Variants in SLC15A4 observed in about 807,000 individuals in gnomAD.
SLC15A4 encodes hPHT1.
In SLC15A4, 26 loss-of-function variants were observed where a neutral mutation model predicts 46.1. The observed-to-expected ratio is 0.56, with a 90% CI of 0.41 to 0.78. The LOEUF (loss-of-function observed/expected upper bound fraction) is 0.78. Ranked by LOEUF, SLC15A4 falls within the 30% of genes least tolerant of loss-of-function variation. The pLI is 0.00. For missense variants in SLC15A4, 751 were observed against 755.7 expected, an observed-to-expected ratio of 0.99 and a Z score of 0.07; for synonymous variants, 370 against 333.4, an observed-to-expected ratio of 1.11 and a Z score of -1.20.
At chr12:128,808,509 T>G (rs1233307441) in intron 5 of SLC15A4, among the ~76,000 whole-genome samples, 1 of 152,184 alleles carries the variant, frequency 6.6e-6, no homozygotes, top group Non-Finnish European at 1.5e-5. Context: ...TAATTCTAAA[T>G]CAGTAGGTAG....
intron 5 of SLC15A4, among the ~76,000 whole-genome samples, chr12:128,805,479 G>A (rs1955573764): frequency 6.6e-6 from 1 of 152,066 alleles, no homozygotes; most frequent in African/African-American, 2.4e-5. Context: ...ATAAAAGGTA[G>A]AGAACCTAAA....
intron 7 of SLC15A4, 41 bp from the exon 8 acceptor site, chr12:128,794,397 C>T: frequency 6.4e-7 from 1 of 1,565,278 alleles, no homozygotes; most frequent in Non-Finnish European, 8.7e-7. Flanking sequence ...AGCTGCGCTG[C>T]TACAGGTATT....
chr12:128,802,242 G>C (rs73149836), intron 5 of SLC15A4, among the ~76,000 whole-genome samples: 6,226 of 152,254 alleles, frequency 0.041, 177 homozygotes, highest in Non-Finnish European at 0.062. Context: ...AGGCAAGGCT[G>C]GTAGTGACAA....
intron 2 of SLC15A4, 180 bp from the exon 3 acceptor site, chr12:128,810,291 A>G: frequency 1.7e-6 from 1 of 593,584 alleles, no homozygotes; most frequent in Non-Finnish European, 2.9e-6. Context: ...TAAATGTCAC[A>G]GAATGTACTG....
intron 7 of SLC15A4, 119 bp from the exon 8 acceptor site, chr12:128,794,475 A>C: frequency 9.8e-7 from 1 of 1,015,892 alleles, no homozygotes; most frequent in Non-Finnish European, 1.4e-6. Context: ...AAAAGTAACA[A>C]ATGTTGTCTC....
intron 1 of SLC15A4, among the ~76,000 whole-genome samples, chr12:128,821,940 G>A (rs1371598222): frequency 6.6e-6 from 1 of 151,670 alleles, no homozygotes. Flanking sequence ...CTTAGCTTGT[G>A]AATCCTCAGA....
Position 128,812,247 on chromosome 12 carries a change from T to C in SLC15A4, c.843-2136A>G, listed in dbSNP as rs190485068. 2.4e-3 allele frequency among the ~76,000 whole-genome samples: 366 copies of C among 152,330 alleles called. 2 individuals are homozygous for C. The highest frequency in any genetic ancestry group is 8.1e-3 in the African/African-American group (335 of 41,578). On this transcript the variant is annotated intron_variant, in intron 2 of 7. Transcript: ENST00000266771. The stretch of plus-strand genomic sequence containing the variant: ...GAAACTGAGATTGGGCCAGATGAAA[T>C]TAAGTGTCACAACTGTAAAAATGTT...
chr12:128,795,737 A>G (rs570134122), intron 7 of SLC15A4, among the ~76,000 whole-genome samples: 1 of 152,268 alleles, frequency 6.6e-6, no homozygotes, highest in Admixed American at 6.5e-5. Context: ...TGAGCAGAAA[A>G]CGGCAGGACT....
intron 7 of SLC15A4, 121 bp downstream of exon 7, chr12:128,799,138 G>C: frequency 9.7e-7 from 1 of 1,031,556 alleles, no homozygotes; most frequent in Non-Finnish European, 1.4e-6. Context: ...AGGAGCGGTG[G>C]ACAGGCAGCT....
chr12:128,803,835 G>A (rs1000917625), intron 5 of SLC15A4, among the ~76,000 whole-genome samples: 5 of 151,018 alleles, frequency 3.3e-5, no homozygotes, highest in Admixed American at 1.3e-4. Flanking sequence ...GGGACGACAC[G>A]ACGAATTGGA....
chr12:128,823,687 T>A lies in SLC15A4; in HGVS notation c.257A>T (p.Tyr86Phe), dbSNP rs763187651. ...CCAGCCTCCGAACGGCGAGCCCAGGTAGGTGAGGCCCATGAAGAGCAGCAG... is the reference window on the plus strand; with the variant it reads ...CCAGCCTCCGAACGGCGAGCCCAGGAAGGTGAGGCCCATGAAGAGCAGCAG... ...EALLLFMGLT[Y>F]LGSPFGGWLA... The change falls in exon 1 of 8, where the codon TAC (tyrosine) becomes TTC (phenylalanine). Residue 86 changes from tyrosine to phenylalanine, a missense_variant. Physicochemically the swap from Tyr to Phe is conservative, Grantham distance 22. Coordinates refer to ENST00000266771, the MANE Select transcript of SLC15A4 (RefSeq NM_145648.4). 1 of 1,515,548 alleles carries A rather than the reference T, an allele frequency of 6.6e-7. No homozygotes were observed. Among genetic ancestry groups the A allele is most frequent in the East Asian group, 2.7e-5 (1 of 37,298 alleles). The allele number at this position is 1,515,548 out of a possible 1,614,324, so 93.9% of individuals were successfully genotyped here. A position where few individuals can be genotyped will look rare whatever the true frequency, so the allele number is the denominator to read the frequency against.
chr12:128,815,193 C>A, intron 1 of SLC15A4, 123 bp from the exon 2 acceptor site: 1 of 911,510 alleles, frequency 1.1e-6, no homozygotes, highest in Admixed American at 2.4e-5. Context: ...GCAACACAAT[C>A]AAAATTGTGT....
intron 7 of SLC15A4, 126 bp from the exon 8 acceptor site, chr12:128,794,482 T>A (rs1337830304): frequency 1.1e-6 from 1 of 932,094 alleles, no homozygotes; most frequent in Non-Finnish European, 1.6e-6. Flanking sequence ...ACAAATGTTG[T>A]CTCTGTAGTC....
intron 2 of SLC15A4, 44 bp from the exon 3 acceptor site, chr12:128,810,155 G>A (rs776557786): frequency 6.3e-7 from 1 of 1,586,192 alleles, no homozygotes; most frequent in Non-Finnish European, 8.6e-7. Flanking sequence ...TCCCCTCCCA[G>A]CAATCAATTA....
chr12:128,807,090 A>T (rs535597030), intron 5 of SLC15A4, among the ~76,000 whole-genome samples: 1 of 152,124 alleles, frequency 6.6e-6, no homozygotes, highest in South Asian at 2.1e-4. Flanking sequence ...TTTAGTAAAG[A>T]CAGGGTTTCA....
At chr12:128,817,152 A>T (rs888348775) in intron 1 of SLC15A4, among the ~76,000 whole-genome samples, 3 of 152,248 alleles carry the variant, frequency 2.0e-5, no homozygotes, top group Non-Finnish European at 2.9e-5. Flanking sequence ...CTTTTCTCTT[A>T]TCTATTACAA....
chr12:128,817,084 C>T (rs975827723), intron 1 of SLC15A4, among the ~76,000 whole-genome samples: 1 of 152,184 alleles, frequency 6.6e-6, no homozygotes, highest in Non-Finnish European at 1.5e-5. Context: ...TATAGTAACA[C>T]CACTTCAAAC....
intron 7 of SLC15A4, among the ~76,000 whole-genome samples, chr12:128,795,638 T>A (rs1314675351): frequency 6.6e-6 from 1 of 152,258 alleles, no homozygotes; most frequent in African/African-American, 2.4e-5. Flanking sequence ...CTGTCCACTC[T>A]GCAAACTGGC....
In SLC15A4 at chr12:128,814,889, C is replaced by T; in HGVS notation, c.728G>A (p.Gly243Asp). ...VGLAFVVFLC[G>D]QSVFITKPPD... ...AGGCTTGGTGATGAAAACGCTCTGGCCACAGAGGAAGACCACAAAAGCAAG... is the reference window on the plus strand; with the variant it reads ...AGGCTTGGTGATGAAAACGCTCTGGTCACAGAGGAAGACCACAAAAGCAAG... The change falls in exon 2 of 8, where the codon GGC becomes GAC. Residue 243 changes from glycine to aspartate, a missense_variant. Coordinates refer to ENST00000266771, the MANE Select transcript of SLC15A4 (RefSeq NM_145648.4). The T allele has an allele frequency of 6.2e-7, 1 of 1,614,122 alleles. No homozygotes were observed. Among genetic ancestry groups the T allele is most frequent in the Non-Finnish European group, 8.5e-7 (1 of 1,180,028 alleles).
Sources: allele counts gnomAD v4.1 joint callset (sites outside exome capture counted in the v4.1 genomes callset), GRCh38; gene constraint gnomAD v4.1.1; transcripts MANE v1.5; gene names NCBI Gene and HGNC (gene_info 2026-07-23, HGNC 2026-07-21).